The following ENOX1 variants were observed in gnomAD, a reference collection of about 807,000 sequenced individuals.
ENOX1 encodes candidate growth-related and time keeping constitutive hydroquinone (NADH) oxidase.
A neutral mutation model predicts 82.5 loss-of-function variants in ENOX1; 42 were observed. That is an observed-to-expected ratio of 0.51 (90% CI 0.40 to 0.66). The LOEUF is 0.66. Among genes scored for constraint, ENOX1 ranks in the 30% least tolerant of loss-of-function variants. The pLI is 0.00. For synonymous variants in ENOX1, 271 were observed against 282.2 expected, an observed-to-expected ratio of 0.96 and a Z score of 0.40; for missense variants, 608 against 811.6, an observed-to-expected ratio of 0.75 and a Z score of 3.05.
chr13:43,773,737 C>T (rs555993592), intron 1 of ENOX1, among the ~76,000 whole-genome samples: 62 of 152,328 alleles, frequency 4.1e-4, no homozygotes, highest in African/African-American at 1.3e-3. Context: ...GATCCAATTA[C>T]ATAATTACTG....
intron 1 of ENOX1, among the ~76,000 whole-genome samples, chr13:43,750,718 A>C (rs1040584774): frequency 2.6e-5 from 4 of 152,188 alleles, no homozygotes; most frequent in Non-Finnish European, 5.9e-5. Flanking sequence ...AAATGTATAT[A>C]CATGTGTATG....
intron 2 of ENOX1, among the ~76,000 whole-genome samples, chr13:43,521,641 G>A (rs937828778): frequency 6.6e-6 from 1 of 152,094 alleles, no homozygotes; most frequent in Non-Finnish European, 1.5e-5. Context: ...AATATACTTT[G>A]CCCTGGAAGG....
At chr13:43,644,890 A>G (rs2083822630) in intron 2 of ENOX1, among the ~76,000 whole-genome samples, 2 of 152,200 alleles carry the variant, frequency 1.3e-5, no homozygotes, top group African/African-American at 4.8e-5. Flanking sequence ...TACCAAGTTT[A>G]AGCCTAAAAA....
At chr13:43,579,420 C>A (rs975354970) in intron 2 of ENOX1, among the ~76,000 whole-genome samples, 3 of 152,182 alleles carry the variant, frequency 2.0e-5, no homozygotes, top group Non-Finnish European at 2.9e-5. Context: ...GCTAAGCTCC[C>A]ATTGTGAACT....
Position 43,361,366 on chromosome 13 carries a change from G to A in ENOX1, c.295C>T (p.Leu99=). The A allele has an allele frequency of 1.2e-6, 2 of 1,613,928 alleles. No individual in the cohort carries two copies. The highest frequency in any genetic ancestry group is 1.1e-5 in the South Asian group (1 of 91,004). Residue 99 remains leucine (L), a synonymous_variant, in exon 6 of 17, where the codon CTG becomes TTG. Coordinates refer to ENST00000690772, the MANE Select transcript of ENOX1 (RefSeq NM_001347969.2). ...TCTGTTGGTGGTGGGGGAGGTACCA[G>A]TCCAAGGCCTGGTATCATTGGGTTA... ...PINPMIPGLG[L]VPPPPPTEVA...
In ENOX1 at chr13:43,374,044, G is replaced by A. The variant is rs74469218; in HGVS notation, c.209-12592C>T. On this transcript the variant is annotated intron_variant, in intron 5 of 16. Coordinates refer to ENST00000690772, the MANE Select transcript of ENOX1 (RefSeq NM_001347969.2). ...GATCAAAAGCAGAGACTATCCCCCA[G>A]ATTTTTCATTTTCTCCCTTCCCTTC... is the stretch of plus-strand genomic sequence containing the variant. Among the ~76,000 whole-genome samples the A allele has an allele frequency of 5.8e-3, 887 of 151,718 alleles. 27 individuals are homozygous for A. The East Asian group carries it at 0.091, about 16-fold the overall frequency.
At chr13:43,737,410 C>T (rs1450532821) in intron 1 of ENOX1, among the ~76,000 whole-genome samples, 2 of 152,210 alleles carry the variant, frequency 1.3e-5, no homozygotes, top group Non-Finnish European at 2.9e-5. Flanking sequence ...CTCTGCATTG[C>T]TCAGCAGTGG....
At chr13:43,254,701 AC>A (rs1308818949) in intron 14 of ENOX1, among the ~76,000 whole-genome samples, 2 of 152,234 alleles carry the variant, frequency 1.3e-5, no homozygotes, top group East Asian at 3.8e-4. Flanking sequence ...ATTAAAAATC[AC>A]AAAACAACTG....
intron 3 of ENOX1, 24 bp from the exon 4 acceptor site, chr13:43,413,012 G>C: frequency 6.6e-7 from 1 of 1,512,416 alleles, no homozygotes; most frequent in South Asian, 1.3e-5. Context: ...CAGAAGTGTG[G>C]TGAGAAACCT....
At chr13:43,603,317 AATG>A (rs2081814292) in intron 2 of ENOX1, among the ~76,000 whole-genome samples, 1 of 151,856 alleles carries the variant, frequency 6.6e-6, no homozygotes, top group East Asian at 1.9e-4. Context: ...GTTTAATAAT[AATG>A]ATACCAATGG....
chr13:43,285,893 C>G (rs1005356535), intron 12 of ENOX1, among the ~76,000 whole-genome samples: 11 of 150,980 alleles, frequency 7.3e-5, no homozygotes, highest in African/African-American at 2.7e-4. Context: ...TTTGTCCCCC[C>G]ATCAAATTTC....
At chr13:43,601,446 AAGAATTAGTGACCTTGGAGAC>A (rs566097018) in intron 2 of ENOX1, among the ~76,000 whole-genome samples, 87 of 152,150 alleles carry the variant, frequency 5.7e-4, no homozygotes, top group African/African-American at 2.0e-3. Context: ...AAGCAGAAGA[AAGAATTAGTGACCTTGGAGAC>A]AGACTTATTG....
intron 1 of ENOX1, among the ~76,000 whole-genome samples, chr13:43,676,258 C>T (rs2153793653): frequency 6.6e-6 from 1 of 152,258 alleles, no homozygotes; most frequent in Non-Finnish European, 1.5e-5. Flanking sequence ...GTTCACAGGT[C>T]TGGTCTTTGT....
At chr13:43,612,621 T>C (rs965853753) in intron 2 of ENOX1, among the ~76,000 whole-genome samples, 3 of 152,148 alleles carry the variant, frequency 2.0e-5, no homozygotes, top group Non-Finnish European at 4.4e-5. Context: ...TTCCCTATAA[T>C]GTAAACTTGA....
chr13:43,593,627 G>T, intron 2 of ENOX1, among the ~76,000 whole-genome samples: 2 of 148,138 alleles, frequency 1.4e-5, no homozygotes, highest in African/African-American at 2.5e-5. Flanking sequence ...ATTTGGATTT[G>T]CAATTCTATT....
intron 14 of ENOX1, among the ~76,000 whole-genome samples, chr13:43,264,124 C>T (rs2044237043): frequency 6.6e-6 from 1 of 152,174 alleles, no homozygotes; most frequent in Non-Finnish European, 1.5e-5. Context: ...AAGGTTTTCC[C>T]AGGCCTTAGC....
intron 2 of ENOX1, among the ~76,000 whole-genome samples, chr13:43,534,268 G>A (rs1394905140): frequency 6.6e-6 from 1 of 152,124 alleles, no homozygotes; most frequent in Admixed American, 6.5e-5. Context: ...CTGGGCTACA[G>A]GCTTGTGTTC....
chr13:43,496,339 T>C (rs1203371434), intron 2 of ENOX1, among the ~76,000 whole-genome samples: 5 of 152,070 alleles, frequency 3.3e-5, no homozygotes, highest in African/African-American at 1.2e-4. Context: ...GGTGTTAAGG[T>C]TCATTCTGTT....
At chr13:43,422,455 C>G (rs2055033660) in intron 3 of ENOX1, among the ~76,000 whole-genome samples, 1 of 152,186 alleles carries the variant, frequency 6.6e-6, no homozygotes, top group South Asian at 2.1e-4. Flanking sequence ...AACCATTTCT[C>G]AAACATGAAA....
Sources: gnomAD v4.1 joint callset for allele counts (sites outside exome capture counted in the v4.1 genomes callset) on GRCh38, gnomAD v4.1.1 for gene constraint, MANE v1.5 for transcripts, NCBI Gene and HGNC (gene_info 2026-07-23, HGNC 2026-07-21) for gene names.